Variants in LUZP2 observed in about 807,000 individuals in gnomAD.
The protein encoded by LUZP2 is leucine zipper protein 2.
In LUZP2, 52 loss-of-function variants were observed where a neutral mutation model predicts 51.6. The ratio of observed to expected loss-of-function variants is 1.01; its 90% CI spans 0.81 to 1.27. The LOEUF is 1.27. Ranked by LOEUF, LUZP2 falls within the 50% of genes most tolerant of loss-of-function variation. The pLI is 0.00. For synonymous variants in LUZP2, 154 were observed against 137.3 expected, an observed-to-expected ratio of 1.12 and a Z score of -0.85; for missense variants, 436 against 395.4, an observed-to-expected ratio of 1.10 and a Z score of -0.87.
intron 1 of LUZP2, among the ~76,000 whole-genome samples, chr11:24,573,278 T>G (rs759941813): frequency 1.3e-4 from 20 of 152,058 alleles, no homozygotes; most frequent in Admixed American, 2.0e-4. Context: ...TTCGTGGTTC[T>G]TACAAGGATT....
At chr11:24,860,228 C>A (rs1431741939) in intron 5 of LUZP2, among the ~76,000 whole-genome samples, 3 of 152,186 alleles carry the variant, frequency 2.0e-5, no homozygotes, top group Non-Finnish European at 4.4e-5. Flanking sequence ...TCCTTCCTCA[C>A]TGGGTGGGGC....
At chr11:24,699,686 CAG>C (rs199593897) in intron 1 of LUZP2, among the ~76,000 whole-genome samples, 25,938 of 149,412 alleles carry the variant, frequency 0.17, 2,350 homozygotes, top group East Asian at 0.32. Context: ...CATATATACA[CAG>C]ACACACACAC....
At chr11:24,621,857 T>A (rs1213182873) in intron 1 of LUZP2, among the ~76,000 whole-genome samples, 1 of 152,148 alleles carries the variant, frequency 6.6e-6, no homozygotes. Context: ...CATTCTGGTA[T>A]GCCTTGTAGT....
chr11:24,786,097 T>A (rs1049811627), intron 5 of LUZP2: 1 of 985,310 alleles, frequency 1.0e-6, no homozygotes, highest in Non-Finnish European at 1.2e-6. Flanking sequence ...GGTATATGAC[T>A]GTATTTTTAA....
At chr11:24,679,194 CT>C (rs1343177010) in intron 1 of LUZP2, among the ~76,000 whole-genome samples, 10 of 152,132 alleles carry the variant, frequency 6.6e-5, no homozygotes, top group Non-Finnish European at 1.5e-4. Flanking sequence ...TAGATAAGAG[CT>C]CATATCTCAA....
At chr11:24,954,122 G>A (rs1855153374) in intron 7 of LUZP2, among the ~76,000 whole-genome samples, 1 of 151,558 alleles carries the variant, frequency 6.6e-6, no homozygotes, top group Non-Finnish European at 1.5e-5. Context: ...ATAACACTCT[G>A]ATAACCTTGC....
At chr11:24,767,177 G>A (rs1256550192) in intron 5 of LUZP2, among the ~76,000 whole-genome samples, 5 of 152,120 alleles carry the variant, frequency 3.3e-5, no homozygotes, top group African/African-American at 1.2e-4. Context: ...TTTTTAGTGT[G>A]TAATTTGTAG....
At chr11:24,967,485 T>G (rs1225438327) in intron 7 of LUZP2, among the ~76,000 whole-genome samples, 1 of 151,968 alleles carries the variant, frequency 6.6e-6, no homozygotes, top group East Asian at 1.9e-4. Context: ...TTTTTCATAC[T>G]CTTTTCTTTC....
At chr11:24,781,642 C>T (rs945828024) in intron 5 of LUZP2, among the ~76,000 whole-genome samples, 13 of 151,860 alleles carry the variant, frequency 8.6e-5, no homozygotes, top group Non-Finnish European at 1.6e-4. Context: ...CCTCATAACA[C>T]ATCATGGTAA....
At chr11:24,658,632 C>A (rs1169694403) in intron 1 of LUZP2, among the ~76,000 whole-genome samples, 1 of 152,110 alleles carries the variant, frequency 6.6e-6, no homozygotes, top group Non-Finnish European at 1.5e-5. Context: ...TCAGAGTGAA[C>A]AGGCAACCTA....
intron 5 of LUZP2, among the ~76,000 whole-genome samples, chr11:24,845,866 C>T (rs1032303255): frequency 3.9e-5 from 6 of 152,056 alleles, no homozygotes; most frequent in African/African-American, 1.2e-4. Context: ...TCTTTTTCTT[C>T]CCAGTCTCAG....
intron 1 of LUZP2, among the ~76,000 whole-genome samples, chr11:24,537,734 T>TCGGGGAGATTTGG: frequency 6.6e-6 from 1 of 151,982 alleles, no homozygotes; most frequent in African/African-American, 2.4e-5. Flanking sequence ...CTTTTACAAT[T>TCGGGGAGATTTGG]TTTTACGGAT....
At chr11:24,829,199 G>C (rs1352179260) in intron 5 of LUZP2, among the ~76,000 whole-genome samples, 1 of 152,130 alleles carries the variant, frequency 6.6e-6, no homozygotes, top group Non-Finnish European at 1.5e-5. Flanking sequence ...ACAAAGGAGA[G>C]AGGGGAGTGA....
At chr11:24,929,398 G>T (rs1215981160) in intron 7 of LUZP2, among the ~76,000 whole-genome samples, 1 of 152,040 alleles carries the variant, frequency 6.6e-6, no homozygotes, top group Non-Finnish European at 1.5e-5. Flanking sequence ...CTGTATCCCA[G>T]AGGTTTTTGT....
At chr11:25,008,239 A>G (rs1446191) in intron 9 of LUZP2, among the ~76,000 whole-genome samples, 134,498 of 152,186 alleles carry the variant, frequency 0.88, 61,744 homozygotes, top group Non-Finnish European at 1. Context: ...GCTGAGCCAG[A>G]TGTGCTGGAG....
chr11:24,948,998 A>G (rs1443977548), intron 7 of LUZP2, among the ~76,000 whole-genome samples: 1 of 151,614 alleles, frequency 6.6e-6, no homozygotes, highest in Non-Finnish European at 1.5e-5. Context: ...TACACCTACT[A>G]TGTACCCGCA....
At position 24,583,145 on chromosome 11, in the gene LUZP2, G is replaced by A. The variant is rs141753879; in HGVS notation, c.62+85840G>A. Among the ~76,000 whole-genome samples the A allele has an allele frequency of 3.9e-3, 591 of 151,994 alleles. 8 individuals carry two copies. The highest frequency in any genetic ancestry group is 0.013 in the African/African-American group (559 of 41,464). ...GATTTACATATAATCATTCTAACAC[G>A]TATGTATGTACACATAATATCACAT... On this transcript the variant is annotated intron_variant, in intron 1 of 11. Coordinates refer to ENST00000336930, the MANE Select transcript of LUZP2 (RefSeq NM_001009909.4).
chr11:24,870,686 G>A (rs144022407), intron 5 of LUZP2, among the ~76,000 whole-genome samples: 1 of 152,182 alleles, frequency 6.6e-6, no homozygotes, highest in East Asian at 1.9e-4. Context: ...GAAAATTACT[G>A]AAGAAATTTG....
chr11:24,910,390 C>A (rs887057916), intron 6 of LUZP2, among the ~76,000 whole-genome samples: 1 of 152,152 alleles, frequency 6.6e-6, no homozygotes, highest in Admixed American at 6.5e-5. Flanking sequence ...CATGGCAGCC[C>A]TTCCCATCAT....
Sources: allele counts gnomAD v4.1 joint callset (sites outside exome capture counted in the v4.1 genomes callset), GRCh38; gene constraint gnomAD v4.1.1; transcripts MANE v1.5; gene names NCBI Gene and HGNC (gene_info 2026-07-23, HGNC 2026-07-21).